The following IQGAP2 variants were observed in gnomAD, a reference collection of about 807,000 sequenced individuals.
IQGAP2 encodes the protein ras GTPase-activating-like protein IQGAP2.
In IQGAP2, 173 loss-of-function variants were observed where a neutral mutation model predicts 201.3. The ratio of observed to expected loss-of-function variants is 0.86; its 90% CI spans 0.76 to 0.98. IQGAP2 has a LOEUF of 0.98. IQGAP2 is among the 50% of genes least tolerant of loss of function. The probability of loss-of-function intolerance (pLI) is 0.00; values close to 1 mark genes in which losing one functional copy is unlikely to be tolerated. For missense variants in IQGAP2, 1,687 were observed against 1,864.8 expected (o/e 0.90, Z 1.76); for synonymous variants, 675 against 673.9 (o/e 1.00, Z -0.03).
At chr5:76,595,651 C>G (rs1429846204) in intron 9 of IQGAP2, among the ~76,000 whole-genome samples, 1 of 151,782 alleles carries the variant, frequency 6.6e-6, no homozygotes, top group Non-Finnish European at 1.5e-5. Context: ...GCCCCAGATA[C>G]TGTAGAGACT....
chr5:76,410,722 T>C (rs575651500), intron 1 of IQGAP2, among the ~76,000 whole-genome samples: 1 of 152,290 alleles, frequency 6.6e-6, no homozygotes, highest in African/African-American at 2.4e-5. Context: ...TTTTCTTCAT[T>C]CTCTCCATTA....
In IQGAP2 at chr5:76,403,675, G is replaced by C. The variant is rs1314639513; in HGVS notation, c.46+84G>C. On this transcript the variant is annotated intron_variant, in intron 1 of 35. Coordinates refer to ENST00000274364, the MANE Select transcript of IQGAP2 (RefSeq NM_006633.5). The surrounding 1 kb of genome is among the most constrained non-coding windows in gnomAD (Gnocchi z 4.8). ...CGGCGTTGGAGAAGCCGAGGGAGCC[G>C]GTTGCGCGGCGCAGAGGAAATTGGA... The C allele has an allele frequency of 8.2e-7, 1 of 1,218,264 alleles. No individual in the cohort carries two copies. The highest frequency in any genetic ancestry group is 1.1e-6 in the Non-Finnish European group (1 of 913,584). The allele number at this position is 1,218,264 out of a possible 1,614,324, so 75.5% of individuals were successfully genotyped here. A position where few individuals can be genotyped will look rare whatever the true frequency, so the allele number is the denominator to read the frequency against.
intron 2 of IQGAP2, among the ~76,000 whole-genome samples, chr5:76,551,966 C>T (rs1453787021): frequency 6.6e-6 from 1 of 151,880 alleles, no homozygotes; most frequent in Non-Finnish European, 1.5e-5. Flanking sequence ...CTTTTGAGGC[C>T]TTGGACAATG....
At chr5:76,576,607 G>T (rs1365760071) in intron 5 of IQGAP2, among the ~76,000 whole-genome samples, 1 of 152,174 alleles carries the variant, frequency 6.6e-6, no homozygotes, top group Admixed American at 6.5e-5. Flanking sequence ...GGTTTATGTT[G>T]ACTTCTTCCT....
Position 76,508,565 on chromosome 5 carries a change from C to T in IQGAP2, c.146+46896C>T, listed in dbSNP as rs138779893. ...ATTAGAATTTAATAAAGATCAGACC[C>T]GGTTTGGTGGCTCACCCCCATAATC... On this transcript the variant is annotated intron_variant, in intron 2 of 35. Transcript: ENST00000274364. Among the ~76,000 whole-genome samples, 7 of 150,306 alleles carry T rather than the reference C, an allele frequency of 4.7e-5. No individual in the cohort carries two copies. In the East Asian group the frequency reaches 1.2e-3, roughly 26 times the overall value.
rs555472466 is a variant in IQGAP2 at position 76,595,892 on chromosome 5, C to A, written c.908-1547C>A. On this transcript the variant is annotated intron_variant, in intron 9 of 35. Coordinates refer to ENST00000274364, the MANE Select transcript of IQGAP2 (RefSeq NM_006633.5). ...TTATCAAAGGTAAAGCAAGATCCTA[C>A]CTAGAGTAATCCGAGATACAGCTGA... Among the ~76,000 whole-genome samples the A allele has an allele frequency of 2.3e-3, 353 of 152,124 alleles. 5 individuals are homozygous for A. In the South Asian group the frequency reaches 0.033, roughly 14 times the overall value.
intron 2 of IQGAP2, among the ~76,000 whole-genome samples, chr5:76,539,090 C>G (rs1178979517): frequency 6.6e-6 from 1 of 152,190 alleles, no homozygotes; most frequent in African/African-American, 2.4e-5. Context: ...CCCCATCAGG[C>G]TTCAACTCCT....
chr5:76,579,134 G>A (rs1426434227), intron 5 of IQGAP2, among the ~76,000 whole-genome samples: 3 of 152,088 alleles, frequency 2.0e-5, no homozygotes, highest in South Asian at 2.1e-4. Flanking sequence ...GCCCAGGTAC[G>A]TTATTACAAA....
intron 2 of IQGAP2, among the ~76,000 whole-genome samples, chr5:76,507,067 AAGG>A (rs1213410916): frequency 6.6e-6 from 1 of 152,214 alleles, no homozygotes; most frequent in African/African-American, 2.4e-5. Context: ...TACAATATTG[AAGG>A]AGAAGAACAA....
intron 2 of IQGAP2, among the ~76,000 whole-genome samples, chr5:76,494,603 G>A (rs1477805044): frequency 1.3e-5 from 2 of 152,192 alleles, no homozygotes; most frequent in Non-Finnish European, 2.9e-5. Flanking sequence ...TAGAATACAA[G>A]ATGGAAAAGA....
chr5:76,479,096 G>A (rs1197443921), intron 2 of IQGAP2, among the ~76,000 whole-genome samples: 4 of 151,952 alleles, frequency 2.6e-5, no homozygotes, highest in African/African-American at 7.3e-5. Flanking sequence ...CCGCCTTCCC[G>A]CCATGGTTGA....
At chr5:76,591,632 C>T (rs1324727544) in intron 8 of IQGAP2, among the ~76,000 whole-genome samples, 2 of 152,160 alleles carry the variant, frequency 1.3e-5, no homozygotes, top group Admixed American at 6.5e-5. Context: ...AGCTTATGTG[C>T]GTCCTTGCTG....
intron 13 of IQGAP2, among the ~76,000 whole-genome samples, chr5:76,620,265 C>T (rs1749507439): frequency 6.6e-6 from 1 of 152,164 alleles, no homozygotes. Flanking sequence ...TTGGAGGCTA[C>T]TGTCATCATT....
intron 2 of IQGAP2, among the ~76,000 whole-genome samples, chr5:76,482,435 C>T (rs1485662414): frequency 6.6e-6 from 1 of 152,138 alleles, no homozygotes; most frequent in Non-Finnish European, 1.5e-5. Context: ...ACAAGATTGG[C>T]CACCTATTTT....
rs987211383 is a variant in IQGAP2 at position 76,471,629 on chromosome 5, A to T, written c.146+9960A>T. Among the ~76,000 whole-genome samples the T allele has an allele frequency of 7.2e-5, 11 of 152,186 alleles. No homozygotes were observed. In the South Asian group the frequency reaches 2.1e-3, roughly 29 times the overall value. ...ATCTAGTGGTGAGTTAGAGAATCAG[A>T]TTTGAAAGGAGAAGTGCTTCAAATG... On this transcript the variant is annotated intron_variant, in intron 2 of 35. Transcript: ENST00000274364.
In IQGAP2 at chr5:76,623,259, C is replaced by T. The variant is rs372661497; in HGVS notation, c.1522-4151C>T. Reference sequence around the variant, plus strand: ...GATGACCTGAGTCCCGTCTCTTAAACGTTATGAAATCTGTAAAATCATGGA... The same window carrying T: ...GATGACCTGAGTCCCGTCTCTTAAATGTTATGAAATCTGTAAAATCATGGA... On this transcript the variant is annotated intron_variant, in intron 13 of 35. Transcript: ENST00000274364. 5.6e-5 allele frequency: 90 copies of T among 1,612,782 alleles called. No homozygotes were observed. The African/African-American group carries it at 1.1e-3, about 20-fold the overall frequency.
chr5:76,451,375 C>G (rs945504250), intron 1 of IQGAP2, among the ~76,000 whole-genome samples: 1 of 152,130 alleles, frequency 6.6e-6, no homozygotes, highest in Admixed American at 6.5e-5. Flanking sequence ...CTTGCTGCAG[C>G]CTTCTCGTCA....
chr5:76,527,110 C>T (rs555203062), intron 2 of IQGAP2, among the ~76,000 whole-genome samples: 3 of 152,312 alleles, frequency 2.0e-5, no homozygotes, highest in African/African-American at 7.2e-5. Flanking sequence ...TTAATGTCTC[C>T]TTTTCATCAA....
At chr5:76,434,988 T>A (rs1375681659) in intron 1 of IQGAP2, among the ~76,000 whole-genome samples, 1 of 152,090 alleles carries the variant, frequency 6.6e-6, no homozygotes, top group Non-Finnish European at 1.5e-5. Context: ...TTGTTGGCCA[T>A]TTTTATATTT....
Sources: allele counts gnomAD v4.1 joint callset (sites outside exome capture counted in the v4.1 genomes callset), GRCh38; gene constraint gnomAD v4.1.1; non-coding constraint Gnocchi (gnomAD v3.1); transcripts MANE v1.5; gene names NCBI Gene and HGNC (gene_info 2026-07-23, HGNC 2026-07-21).